Variants in PDE4B observed in about 807,000 individuals in gnomAD.
PDE4B encodes the protein 3',5'-cyclic-AMP phosphodiesterase 4B.
In PDE4B, 20 loss-of-function variants were observed where a neutral mutation model predicts 82.2. The observed-to-expected ratio is 0.24, with a 90% CI of 0.17 to 0.35. PDE4B has a LOEUF of 0.35. Ranked by LOEUF, PDE4B falls within the 10% of genes least tolerant of loss-of-function variation. The pLI is 1.00. For synonymous variants in PDE4B, 320 were observed against 318.9 expected, an observed-to-expected ratio of 1.00 and a Z score of -0.04; for missense variants, 655 against 907.2, an observed-to-expected ratio of 0.72 and a Z score of 3.57.
chr1:65,884,544 G>A (rs1444494334), intron 1 of PDE4B, among the ~76,000 whole-genome samples: 1 of 152,120 alleles, frequency 6.6e-6, no homozygotes, highest in African/African-American at 2.4e-5. Flanking sequence ...AGAGCCCTCA[G>A]AAATAATACC....
chr1:66,072,905 G>A (rs1019662533), intron 3 of PDE4B, among the ~76,000 whole-genome samples: 1 of 152,026 alleles, frequency 6.6e-6, no homozygotes. Context: ...ATGCACATCT[G>A]TGGAAACTGT....
At chr1:66,201,351 C>G (rs1477472159) in intron 3 of PDE4B, among the ~76,000 whole-genome samples, 1 of 152,054 alleles carries the variant, frequency 6.6e-6, no homozygotes, top group African/African-American at 2.4e-5. Flanking sequence ...CAGGATGATG[C>G]TGGCCTCATA....
intron 7 of PDE4B, among the ~76,000 whole-genome samples, chr1:66,301,316 G>A (rs1190095186): frequency 2.0e-5 from 3 of 152,166 alleles, no homozygotes; most frequent in South Asian, 2.1e-4. Flanking sequence ...TCTCAGCCCT[G>A]TAAGAGGTTT....
chr1:66,203,532 G>A (rs1649225784), intron 3 of PDE4B, among the ~76,000 whole-genome samples: 2 of 152,154 alleles, frequency 1.3e-5, no homozygotes, highest in African/African-American at 4.8e-5. Context: ...ATGTCTTGGA[G>A]ACTTTGTTCG....
At chr1:65,937,866 T>C (rs924760748) in intron 3 of PDE4B, among the ~76,000 whole-genome samples, 8 of 152,176 alleles carry the variant, frequency 5.3e-5, no homozygotes, top group Non-Finnish European at 1.2e-4. Flanking sequence ...TAATAATTGG[T>C]ATAATACTTT....
intron 3 of PDE4B, among the ~76,000 whole-genome samples, chr1:66,122,655 G>C (rs1319602136): frequency 6.7e-6 from 1 of 150,280 alleles, no homozygotes; most frequent in Non-Finnish European, 1.5e-5. Flanking sequence ...TGTATAAGGA[G>C]TCAGAGGATC....
chr1:65,946,746 C>A (rs773059024), intron 3 of PDE4B, among the ~76,000 whole-genome samples: 1 of 151,954 alleles, frequency 6.6e-6, no homozygotes, highest in Admixed American at 6.6e-5. Flanking sequence ...AAGCAAGAGT[C>A]CTGGACCTTA....
chr1:66,031,570 A>G (rs1183724251), intron 3 of PDE4B, among the ~76,000 whole-genome samples: 3 of 152,236 alleles, frequency 2.0e-5, no homozygotes, highest in Non-Finnish European at 4.4e-5. Context: ...AAGTAAATTA[A>G]AGAACACTTG....
chr1:66,345,183 T>G (rs2101968207), intron 8 of PDE4B, among the ~76,000 whole-genome samples: 1 of 151,208 alleles, frequency 6.6e-6, no homozygotes, highest in African/African-American at 2.4e-5. Flanking sequence ...TGTCAAGACA[T>G]AGAATCAAAT....
rs118168408 is a variant in PDE4B, at chr1:66,286,790, T to C, written c.634+20703T>C. ...GGGAGGACAATATTGAATCTAGAAG[T>C]TCACAAGACTTAGCCCATGTAATAA... On this transcript the variant is annotated intron_variant, in intron 7 of 16. Transcript: ENST00000341517. 2.4e-3 allele frequency among the ~76,000 whole-genome samples: 358 copies of C among 152,202 alleles called. 14 individuals carry two copies. In the East Asian group the frequency reaches 0.06, roughly 26 times the overall value.
At chr1:65,854,030 T>C (rs1051031790) in intron 1 of PDE4B, among the ~76,000 whole-genome samples, 4 of 152,120 alleles carry the variant, frequency 2.6e-5, no homozygotes, top group Admixed American at 2.6e-4. Flanking sequence ...GTGGTCCACA[T>C]GAGAGCCTAG....
chr1:66,270,166 T>G (rs1557670244), intron 7 of PDE4B, among the ~76,000 whole-genome samples: 1 of 152,228 alleles, frequency 6.6e-6, no homozygotes, highest in Non-Finnish European at 1.5e-5. Flanking sequence ...TAGCCTTGAT[T>G]TATGGTGATT....
intron 3 of PDE4B, among the ~76,000 whole-genome samples, chr1:66,149,984 C>T (rs940841836): frequency 6.6e-6 from 1 of 152,172 alleles, no homozygotes; most frequent in Non-Finnish European, 1.5e-5. Flanking sequence ...AGCCAGTTAT[C>T]TCCTCACCAT....
chr1:66,221,448 A>C (rs1489287045), intron 3 of PDE4B, among the ~76,000 whole-genome samples: 1 of 152,212 alleles, frequency 6.6e-6, no homozygotes, highest in East Asian at 1.9e-4. Flanking sequence ...CAACCAAAAA[A>C]ATAAATCCAT....
chr1:66,253,699 A>G (rs1225920241), intron 4 of PDE4B, among the ~76,000 whole-genome samples: 1 of 152,248 alleles, frequency 6.6e-6, no homozygotes, highest in Non-Finnish European at 1.5e-5. Context: ...TAATAGTTCC[A>G]TAAATAATCT....
intron 3 of PDE4B, among the ~76,000 whole-genome samples, chr1:65,990,299 A>T (rs976130872): frequency 3.3e-5 from 5 of 152,198 alleles, no homozygotes; most frequent in African/African-American, 1.2e-4. Context: ...GTTCACATAT[A>T]GCTATATCTG....
intron 2 of PDE4B, 58 bp from the exon 3 acceptor site, chr1:65,918,539 T>A: frequency 9.8e-7 from 1 of 1,016,956 alleles, no homozygotes; most frequent in Non-Finnish European, 1.6e-6. Context: ...TCACTCCATT[T>A]AACATTTGAA....
rs370295264 is a variant in PDE4B at position 66,044,823 on chromosome 1, A to C, written c.281+125988A>C. Among the ~76,000 whole-genome samples, 17 of 151,760 alleles carry C rather than the reference A, an allele frequency of 1.1e-4. No individual in the cohort carries two copies. In the East Asian group the frequency reaches 3.1e-3, roughly 28 times the overall value. On this transcript the variant is annotated intron_variant, in intron 3 of 16. Coordinates refer to ENST00000341517, the MANE Select transcript of PDE4B (RefSeq NM_002600.4). ...CATATGTGATCATTTTATGAGTAAA[A>C]TTTTACCTTTCCTAGAATCCAAGAT...
intron 1 of PDE4B, among the ~76,000 whole-genome samples, chr1:65,846,504 A>G (rs777840617): frequency 6.6e-6 from 1 of 152,168 alleles, no homozygotes; most frequent in Non-Finnish European, 1.5e-5. Flanking sequence ...CAGTAAGAAC[A>G]ATTTCTGACA....
Sources: gnomAD v4.1 joint callset for allele counts (sites outside exome capture counted in the v4.1 genomes callset) on GRCh38, gnomAD v4.1.1 for gene constraint, MANE v1.5 for transcripts, NCBI Gene and HGNC (gene_info 2026-07-23, HGNC 2026-07-21) for gene names.